STX18: variants seen among roughly 807,000 people sequenced by gnomAD.
STX18 encodes the protein syntaxin 18, also known as syntaxin-18.
In STX18, 40 loss-of-function variants were observed where a neutral mutation model predicts 50.1. The ratio of observed to expected loss-of-function variants is 0.80; its 90% CI spans 0.62 to 1.04. STX18 has a LOEUF of 1.04. Ranked by LOEUF, STX18 falls within the 50% of genes least tolerant of loss-of-function variation. The probability of loss-of-function intolerance (pLI) is 0.00; values close to 1 mark genes in which losing one functional copy is unlikely to be tolerated. For synonymous variants in STX18, 158 were observed against 151.8 expected (o/e 1.04, Z -0.30); for missense variants, 410 against 415.8 (o/e 0.99, Z 0.12).
At chr4:4,521,721 G>A (rs1431525224) in intron 1 of STX18, among the ~76,000 whole-genome samples, 1 of 151,556 alleles carries the variant, frequency 6.6e-6, no homozygotes, top group African/African-American at 2.4e-5. Flanking sequence ...AATATCCCCA[G>A]GAACATACAC....
intron 1 of STX18, among the ~76,000 whole-genome samples, chr4:4,533,731 C>T (rs1301225391): frequency 6.6e-6 from 1 of 152,190 alleles, no homozygotes; most frequent in Non-Finnish European, 1.5e-5. Flanking sequence ...TCACTAAAAA[C>T]GTCACACTGA....
intron 3 of STX18, among the ~76,000 whole-genome samples, chr4:4,459,052 A>ACACACG (rs1727233177): frequency 7.1e-6 from 1 of 140,066 alleles, no homozygotes; most frequent in Non-Finnish European, 1.5e-5. Context: ...CACACAGAAC[A>ACACACG]CACACACACG....
intron 5 of STX18, among the ~76,000 whole-genome samples, chr4:4,439,606 C>T (rs904422685): frequency 5.0e-5 from 7 of 138,790 alleles, no homozygotes; most frequent in Non-Finnish European, 7.6e-5. Flanking sequence ...CACACACATA[C>T]CCCCCAACAT....
rs1731636264 is a variant in STX18, at chr4:4,542,041, G to A, written c.-77C>T. 2 of 1,457,442 alleles carry A rather than the reference G, an allele frequency of 1.4e-6. No individual in the cohort carries two copies. The highest frequency in any genetic ancestry group is 1.4e-5 in the South Asian group (1 of 71,302). 90.3% of individuals were successfully genotyped at this position (1,457,442 alleles called of 1,614,324 possible). ...CGACCGCGGCGCGAACCCGGCCGCT[G>A]AAGGACTGGTCCTGCCCCACACGCC... On this transcript the variant is annotated 5_prime_UTR_variant, in exon 1 of 11. Transcript: ENST00000306200.
At chr4:4,446,021 A>G (rs1337843865) in intron 5 of STX18, among the ~76,000 whole-genome samples, 1 of 152,236 alleles carries the variant, frequency 6.6e-6, no homozygotes, top group African/African-American at 2.4e-5. Context: ...AAACAGACAT[A>G]TACATGTTTG....
intron 1 of STX18, among the ~76,000 whole-genome samples, chr4:4,522,697 AAT>A (rs1730567313): frequency 6.6e-6 from 1 of 152,128 alleles, no homozygotes. Context: ...AACAATAAAA[AAT>A]ATGTGAAGTG....
intron 5 of STX18, among the ~76,000 whole-genome samples, chr4:4,456,282 CA>C (rs939156621): frequency 4.0e-5 from 6 of 149,430 alleles, no homozygotes; most frequent in African/African-American, 1.5e-4. Context: ...CAAAAAAAAA[CA>C]AAAAAGAAAA....
At chr4:4,430,506 T>C (rs926810811) in intron 7 of STX18, among the ~76,000 whole-genome samples, 103 of 152,176 alleles carry the variant, frequency 6.8e-4, no homozygotes, top group Admixed American at 1.0e-3. Context: ...AGTAACACAA[T>C]AAAAATTAGG....
intron 1 of STX18, among the ~76,000 whole-genome samples, chr4:4,518,924 C>T (rs2108903350): frequency 6.6e-6 from 1 of 152,228 alleles, no homozygotes; most frequent in Middle Eastern, 3.4e-3. Flanking sequence ...CTTAGCCTTT[C>T]TCGAAAAAGG....
intron 2 of STX18, among the ~76,000 whole-genome samples, chr4:4,468,396 C>T (rs1302104671): frequency 6.6e-6 from 1 of 152,142 alleles, no homozygotes; most frequent in African/African-American, 2.4e-5. Context: ...GAGATTACCT[C>T]AAGGCGGGTA....
At chr4:4,474,965 T>G (rs1429405096) in intron 1 of STX18, among the ~76,000 whole-genome samples, 1 of 152,228 alleles carries the variant, frequency 6.6e-6, no homozygotes, top group Non-Finnish European at 1.5e-5. Context: ...CTAAGAACCT[T>G]ACTATCCACA....
chr4:4,531,507 C>T (rs1731095004), intron 1 of STX18, among the ~76,000 whole-genome samples: 2 of 152,170 alleles, frequency 1.3e-5, no homozygotes, highest in South Asian at 4.2e-4. Context: ...GATGTTTGCC[C>T]ACTAATGTTA....
chr4:4,478,151 G>GA (rs1465453330), intron 1 of STX18, among the ~76,000 whole-genome samples: 1 of 151,430 alleles, frequency 6.6e-6, no homozygotes, highest in Non-Finnish European at 1.5e-5. Flanking sequence ...TGAGCTTCAT[G>GA]AGAGTATTTG....
intron 2 of STX18, among the ~76,000 whole-genome samples, chr4:4,460,613 T>C (rs540623819): frequency 6.6e-6 from 1 of 152,242 alleles, no homozygotes; most frequent in East Asian, 1.9e-4. Context: ...ACTTCCATAT[T>C]TTCTAAGGAA....
chr4:4,436,314 T>C (rs1222185708), intron 6 of STX18, among the ~76,000 whole-genome samples: 1 of 152,216 alleles, frequency 6.6e-6, no homozygotes, highest in Non-Finnish European at 1.5e-5. Context: ...CATGTGTTTG[T>C]AAAAGGTTGG....
chr4:4,451,638 G>A (rs934726453), intron 5 of STX18, among the ~76,000 whole-genome samples: 5 of 152,224 alleles, frequency 3.3e-5, no homozygotes, highest in African/African-American at 9.6e-5. Flanking sequence ...AGTAATCTCT[G>A]ATGTGACTTT....
At chr4:4,455,491 T>C (rs1336733544) in intron 5 of STX18, among the ~76,000 whole-genome samples, 1 of 152,266 alleles carries the variant, frequency 6.6e-6, no homozygotes, top group Non-Finnish European at 1.5e-5. Context: ...AAAGGCCTGC[T>C]TGCAAGGTTA....
At chr4:4,500,964 G>C (rs1560196144) in intron 1 of STX18, among the ~76,000 whole-genome samples, 1 of 152,170 alleles carries the variant, frequency 6.6e-6, no homozygotes, top group Non-Finnish European at 1.5e-5. Flanking sequence ...TAGAACCTAG[G>C]AGAAGGAGGT....
chr4:4,457,091 AAC>A lies in STX18; in HGVS notation c.497+98_497+99del, dbSNP rs1727119058. On this transcript the variant is annotated intron_variant, in intron 5 of 10. Coordinates refer to ENST00000306200, the MANE Select transcript of STX18 (RefSeq NM_016930.4). ...CTATGGCATTTTGCGAAGAAGTTCAAACACGGTACATTGCATAGGGTAAGTGC... is the reference window on the plus strand; with the variant it reads ...CTATGGCATTTTGCGAAGAAGTTCAAACGGTACATTGCATAGGGTAAGTGC... 6.0e-6 allele frequency: 7 copies of A among 1,171,590 alleles called. No homozygotes were observed. In the South Asian group the frequency reaches 9.7e-5, roughly 16 times the overall value. The allele number at this position is 1,171,590 out of a possible 1,614,324, so 72.6% of individuals were successfully genotyped here. A position where few individuals can be genotyped will look rare whatever the true frequency, so the allele number is the denominator to read the frequency against.
Sources: allele counts gnomAD v4.1 joint callset (sites outside exome capture counted in the v4.1 genomes callset), GRCh38; gene constraint gnomAD v4.1.1; transcripts MANE v1.5; gene names NCBI Gene and HGNC (gene_info 2026-07-23, HGNC 2026-07-21).